Variants in GRIA1 observed in about 807,000 individuals in gnomAD.
GRIA1 encodes glutamate receptor 1.
GRIA1 carries 31 observed loss-of-function variants against 99.2 expected under a neutral mutation model. That is an observed-to-expected ratio of 0.31 (90% CI 0.23 to 0.42). The LOEUF (loss-of-function observed/expected upper bound fraction) is 0.42. GRIA1 is among the 10% of genes least tolerant of loss of function. The probability of loss-of-function intolerance (pLI) is 1.00; values close to 1 mark genes in which losing one functional copy is unlikely to be tolerated. For missense variants in GRIA1, 782 were observed against 1,157.5 expected, an observed-to-expected ratio of 0.68 and a Z score of 4.71; for synonymous variants, 438 against 432.4, an observed-to-expected ratio of 1.01 and a Z score of -0.16.
chr5:153,657,906 C>A (rs1243731986), intron 5 of GRIA1, among the ~76,000 whole-genome samples: 1 of 152,164 alleles, frequency 6.6e-6, no homozygotes, highest in East Asian at 1.9e-4. Context: ...GTCTCACCCT[C>A]CAAAGACCAT....
intron 2 of GRIA1, among the ~76,000 whole-genome samples, chr5:153,626,020 C>A (rs1767568010): frequency 1.3e-5 from 2 of 152,160 alleles, no homozygotes; most frequent in South Asian, 4.1e-4. Flanking sequence ...TAAACAAGGC[C>A]ACCGAACCTG....
rs188421473 is a variant in GRIA1 at position 153,735,315 on chromosome 5, C to T, written c.1824-29119C>T. Among the ~76,000 whole-genome samples the T allele has an allele frequency of 2.6e-4, 40 of 152,270 alleles. 1 individual carries two copies. The East Asian group carries it at 7.5e-3, about 29-fold the overall frequency. On this transcript the variant is annotated intron_variant, in intron 11 of 15. Coordinates refer to ENST00000285900, the MANE Select transcript of GRIA1 (RefSeq NM_000827.4). ...AGACTCCTGTCTCAAGAGCCAAGCT[C>T]CCCAAGTGAGCAATTCCTGTCCCTT... is the stretch of plus-strand genomic sequence containing the variant.
chr5:153,598,095 A>C (rs942140672), intron 2 of GRIA1, among the ~76,000 whole-genome samples: 3 of 152,078 alleles, frequency 2.0e-5, no homozygotes, highest in Non-Finnish European at 4.4e-5. Context: ...CCATTGTATA[A>C]ATGTGATTTT....
intron 12 of GRIA1, 84 bp from the exon 13 acceptor site, chr5:153,770,084 A>C: frequency 7.4e-7 from 1 of 1,357,240 alleles, no homozygotes; most frequent in Non-Finnish European, 1.0e-6. Context: ...TGTGTGATCA[A>C]GCTACACTCA....
intron 11 of GRIA1, among the ~76,000 whole-genome samples, chr5:153,737,753 G>A (rs1272908273): frequency 6.6e-6 from 1 of 152,148 alleles, no homozygotes; most frequent in Non-Finnish European, 1.5e-5. Context: ...AGGCAAGCAA[G>A]CATTATTCCT....
intron 2 of GRIA1, among the ~76,000 whole-genome samples, chr5:153,523,016 A>ATCTCCC (rs1757289051): frequency 7.1e-6 from 1 of 141,556 alleles, no homozygotes; most frequent in Non-Finnish European, 1.5e-5. Flanking sequence ...TGTTCCTGAT[A>ATCTCCC]TCTCTCTCTC....
intron 13 of GRIA1, among the ~76,000 whole-genome samples, chr5:153,778,039 T>C (rs527510246): frequency 6.6e-6 from 1 of 151,614 alleles, no homozygotes; most frequent in African/African-American, 2.4e-5. Flanking sequence ...TTTATTTGCA[T>C]CCTCAGAAGA....
intron 11 of GRIA1, among the ~76,000 whole-genome samples, chr5:153,740,895 T>C (rs868019131): frequency 1.1e-4 from 16 of 151,036 alleles, no homozygotes; most frequent in Middle Eastern, 6.9e-3. Context: ...CAGCCTGCCA[T>C]AGATACGTAA....
chr5:153,535,014 T>A (rs1419669069), intron 2 of GRIA1, among the ~76,000 whole-genome samples: 1 of 152,096 alleles, frequency 6.6e-6, no homozygotes, highest in Non-Finnish European at 1.5e-5. Flanking sequence ...TTTTACCTCC[T>A]GGGTTCAAGC....
chr5:153,684,437 T>G (rs938297332), intron 7 of GRIA1, among the ~76,000 whole-genome samples: 2 of 152,214 alleles, frequency 1.3e-5, no homozygotes, highest in African/African-American at 4.8e-5. Context: ...AACTTAGTCA[T>G]AGAGAGATTA....
intron 2 of GRIA1, among the ~76,000 whole-genome samples, chr5:153,560,286 C>T (rs145193527): frequency 1.2e-3 from 180 of 152,244 alleles, no homozygotes; most frequent in African/African-American, 4.2e-3. Context: ...GAGCTCTTTG[C>T]TCTGGGTTAT....
intron 2 of GRIA1, among the ~76,000 whole-genome samples, chr5:153,607,068 T>TATAA (rs1491415058): frequency 6.4e-5 from 9 of 140,408 alleles, no homozygotes; most frequent in East Asian, 2.1e-4. Flanking sequence ...TATATATATA[T>TATAA]AATCACAGTT....
At chr5:153,607,048 T>G (rs1017514184) in intron 2 of GRIA1, among the ~76,000 whole-genome samples, 1 of 145,396 alleles carries the variant, frequency 6.9e-6, no homozygotes, top group Non-Finnish European at 1.5e-5. Context: ...AAAAGATATA[T>G]ATATATATAT....
chr5:153,809,509 A>C (rs1766666063), intron 15 of GRIA1, among the ~76,000 whole-genome samples: 1 of 152,258 alleles, frequency 6.6e-6, no homozygotes, highest in Non-Finnish European at 1.5e-5. Flanking sequence ...AAAATGGGTC[A>C]AAACTGCCCT....
At chr5:153,647,219 C>A in intron 3 of GRIA1, 52 bp downstream of exon 3, 2 of 1,592,000 alleles carry the variant, frequency 1.3e-6, no homozygotes, top group South Asian at 1.1e-5. Context: ...GAGAAAATTA[C>A]CAGCAGAAAG....
intron 2 of GRIA1, among the ~76,000 whole-genome samples, chr5:153,591,964 T>C (rs983339904): frequency 2.6e-5 from 4 of 152,222 alleles, no homozygotes; most frequent in Admixed American, 1.3e-4. Flanking sequence ...CTACCCCTTT[T>C]AGTGTGTGAG....
rs1234065424 is a variant in GRIA1 at position 153,647,088 on chromosome 5, T to C, written c.381T>C (p.Pro127=). The change falls in exon 3 of 16, where the codon CCT becomes CCC. Residue 127 remains proline (P), a synonymous_variant. Coordinates refer to ENST00000285900, the MANE Select transcript of GRIA1 (RefSeq NM_000827.4). ...ATCAGTTTGTCCTTCAGCTGCGCCC[T>C]GAACTGCAGGATGCCCTCATCAGCA... ...TSNQFVLQLR[P]ELQDALISII... 1.2e-6 allele frequency: 2 copies of C among 1,613,808 alleles called. No individual in the cohort carries two copies. The highest frequency in any genetic ancestry group is 2.7e-5 in the African/African-American group (2 of 74,888).
intron 2 of GRIA1, among the ~76,000 whole-genome samples, chr5:153,616,479 A>T (rs1009858963): frequency 1.3e-5 from 2 of 151,822 alleles, no homozygotes; most frequent in African/African-American, 2.4e-5. Context: ...AAAAAAAAAA[A>T]TTCGCAAAAA....
intron 2 of GRIA1, among the ~76,000 whole-genome samples, chr5:153,639,823 GA>G (rs1230266829): frequency 6.6e-6 from 1 of 152,214 alleles, no homozygotes; most frequent in African/African-American, 2.4e-5. Flanking sequence ...AAGATGGAGA[GA>G]AGAAACAGAA....
Sources: gnomAD v4.1 joint callset for allele counts (sites outside exome capture counted in the v4.1 genomes callset) on GRCh38, gnomAD v4.1.1 for gene constraint, MANE v1.5 for transcripts, NCBI Gene and HGNC (gene_info 2026-07-23, HGNC 2026-07-21) for gene names.